Variants in SKAP2 observed in about 807,000 individuals in gnomAD.
SKAP2 encodes src kinase-associated phosphoprotein 2.
A neutral mutation model predicts 54.9 loss-of-function variants in SKAP2; 28 were observed. The observed-to-expected ratio is 0.51, with a 90% CI of 0.38 to 0.70. The LOEUF is 0.70. Ranked by LOEUF, SKAP2 falls within the 30% of genes least tolerant of loss-of-function variation. The pLI is 0.00. For synonymous variants in SKAP2, 137 were observed against 134.3 expected (o/e 1.02, Z -0.14); for missense variants, 356 against 424.1 (o/e 0.84, Z 1.41).
intron 11 of SKAP2, among the ~76,000 whole-genome samples, chr7:26,673,893 T>C (rs1437865523): frequency 3.3e-5 from 5 of 152,240 alleles, no homozygotes; most frequent in African/African-American, 1.2e-4. Context: ...TTATCCAACA[T>C]AATAGTAATA....
intron 3 of SKAP2, among the ~76,000 whole-genome samples, chr7:26,846,886 C>T (rs1784933572): frequency 6.6e-6 from 1 of 152,132 alleles, no homozygotes; most frequent in Admixed American, 6.5e-5. Flanking sequence ...GAGGCTGAGG[C>T]AGGGAGAACT....
chr7:26,828,142 C>T (rs1314551172), intron 4 of SKAP2, among the ~76,000 whole-genome samples: 1 of 152,032 alleles, frequency 6.6e-6, no homozygotes, highest in Non-Finnish European at 1.5e-5. Flanking sequence ...CCCCGGAGAA[C>T]CCAGAAAGTC....
chr7:26,764,071 CTT>C (rs1782992031), intron 4 of SKAP2, among the ~76,000 whole-genome samples: 2 of 152,050 alleles, frequency 1.3e-5, no homozygotes, highest in South Asian at 2.1e-4. Context: ...GTCAAATACT[CTT>C]TATATGACAA....
At chr7:26,785,313 A>C (rs1046137246) in intron 4 of SKAP2, among the ~76,000 whole-genome samples, 2 of 151,930 alleles carry the variant, frequency 1.3e-5, no homozygotes, top group Non-Finnish European at 2.9e-5. Context: ...CAGCCTCCCG[A>C]GTAGCTGGGA....
At chr7:26,723,059 C>G (rs898794617) in intron 9 of SKAP2, among the ~76,000 whole-genome samples, 1 of 152,216 alleles carries the variant, frequency 6.6e-6, no homozygotes, top group Non-Finnish European at 1.5e-5. Flanking sequence ...AATGTGCTTA[C>G]TGCTCTTCCA....
chr7:26,753,237 T>G (rs1468906002), intron 4 of SKAP2, among the ~76,000 whole-genome samples: 1 of 152,160 alleles, frequency 6.6e-6, no homozygotes, highest in African/African-American at 2.4e-5. Flanking sequence ...GCTAAAATAG[T>G]GTGTCACAAG....
At chr7:26,818,762 G>A (rs1210863676) in intron 4 of SKAP2, among the ~76,000 whole-genome samples, 2 of 152,062 alleles carry the variant, frequency 1.3e-5, no homozygotes, top group African/African-American at 4.8e-5. Context: ...GGGGGTAAAG[G>A]ATATGAACAG....
At chr7:26,723,478 C>T (rs577798839) in intron 9 of SKAP2, among the ~76,000 whole-genome samples, 1 of 152,156 alleles carries the variant, frequency 6.6e-6, no homozygotes, top group East Asian at 1.9e-4. Context: ...TAAATTTCTC[C>T]CAGTACCACA....
intron 4 of SKAP2, among the ~76,000 whole-genome samples, chr7:26,774,059 TA>T: frequency 6.6e-6 from 1 of 152,266 alleles, no homozygotes; most frequent in East Asian, 1.9e-4. Flanking sequence ...ATGCCCATAA[TA>T]CCAGTACTTC....
intron 4 of SKAP2, among the ~76,000 whole-genome samples, chr7:26,798,321 C>G (rs10276471): frequency 0.21 from 32,454 of 151,260 alleles, 3,550 homozygotes; most frequent in Non-Finnish European, 0.24. Flanking sequence ...ACCTAGAATA[C>G]TAGATTTGGT....
chr7:26,704,156 G>T (rs563275424), intron 9 of SKAP2, among the ~76,000 whole-genome samples: 5 of 152,300 alleles, frequency 3.3e-5, no homozygotes, highest in African/African-American at 1.2e-4. Flanking sequence ...TTGAAAAATA[G>T]TGTACACTGC....
intron 6 of SKAP2, among the ~76,000 whole-genome samples, chr7:26,731,206 C>A (rs1787818541): frequency 1.3e-5 from 2 of 152,194 alleles, no homozygotes; most frequent in South Asian, 2.1e-4. Flanking sequence ...TTGGCTACCA[C>A]TCTGCACTTG....
intron 11 of SKAP2, among the ~76,000 whole-genome samples, chr7:26,681,220 C>T (rs1036923281): frequency 1.1e-4 from 16 of 152,256 alleles, no homozygotes; most frequent in Admixed American, 9.2e-4. Flanking sequence ...GAGGCCGAGG[C>T]GGGCAGATCA....
intron 4 of SKAP2, among the ~76,000 whole-genome samples, chr7:26,762,034 G>C (rs1450360717): frequency 1.3e-5 from 2 of 152,068 alleles, no homozygotes; most frequent in Non-Finnish European, 2.9e-5. Context: ...ATAACTTACA[G>C]GCCACAGTCA....
At chr7:26,855,836 G>A (rs1785150111) in intron 1 of SKAP2, among the ~76,000 whole-genome samples, 1 of 144,778 alleles carries the variant, frequency 6.9e-6, no homozygotes, top group African/African-American at 2.5e-5. Context: ...TATCTAATAT[G>A]GAGGATATCA....
intron 4 of SKAP2, among the ~76,000 whole-genome samples, chr7:26,842,799 G>A (rs1000882894): frequency 3.3e-5 from 5 of 151,806 alleles, no homozygotes; most frequent in African/African-American, 1.2e-4. Context: ...TTTTGAAGAT[G>A]AGGTTGGAAA....
chr7:26,819,676 T>C (rs964373349), intron 4 of SKAP2, among the ~76,000 whole-genome samples: 2 of 152,188 alleles, frequency 1.3e-5, no homozygotes, highest in African/African-American at 4.8e-5. Context: ...TTTCAATGCC[T>C]TCAGTTGTTA....
At chr7:26,711,766 T>C (rs1203845069) in intron 9 of SKAP2, among the ~76,000 whole-genome samples, 1 of 152,190 alleles carries the variant, frequency 6.6e-6, no homozygotes, top group African/African-American at 2.4e-5. Context: ...AATTTGACCA[T>C]GTTATATTTT....
At chr7:26,675,116 A>C (rs1252335580) in intron 11 of SKAP2, among the ~76,000 whole-genome samples, 3 of 152,112 alleles carry the variant, frequency 2.0e-5, no homozygotes, top group Non-Finnish European at 2.9e-5. Context: ...CTGCATTATC[A>C]ATGGTGCCTC....
Sources: gnomAD v4.1 joint callset for allele counts (sites outside exome capture counted in the v4.1 genomes callset) on GRCh38, gnomAD v4.1.1 for gene constraint, MANE v1.5 for transcripts, NCBI Gene and HGNC (gene_info 2026-07-23, HGNC 2026-07-21) for gene names.